The following MTRR variants were observed in gnomAD, a reference collection of about 807,000 sequenced individuals.
The protein encoded by MTRR is 5-methyltetrahydrofolate-homocysteine methyltransferase reductase, also known as methionine synthase reductase.
Under a neutral mutation model 79.2 loss-of-function variants are expected in MTRR, and 63 were observed. That is an observed-to-expected ratio of 0.80 (90% CI 0.65 to 0.98). The LOEUF is 0.98. Among genes scored for constraint, MTRR ranks in the 50% least tolerant of loss-of-function variants. The pLI, the probability that MTRR is intolerant of heterozygous loss-of-function variation, is 0.00. For missense variants in MTRR, 895 were observed against 839.6 expected, an observed-to-expected ratio of 1.07 and a Z score of -0.82; for synonymous variants, 355 against 313.3, an observed-to-expected ratio of 1.13 and a Z score of -1.41.
chr5:7,868,549 G>A (rs1747240333), upstream of MTRR, among the ~76,000 whole-genome samples: 1 of 152,194 alleles, frequency 6.6e-6, no homozygotes, highest in African/African-American at 2.4e-5. Context: ...GGTAAAGTGG[G>A]CAAAATTAGG....
intron 1 of MTRR, among the ~76,000 whole-genome samples, chr5:7,855,901 CAG>C (rs926082789): frequency 6.6e-6 from 1 of 152,054 alleles, no homozygotes; most frequent in African/African-American, 2.4e-5. Flanking sequence ...TGGAGCCCAA[CAG>C]GGGGAGAACA....
At chr5:7,860,982 G>T (rs41282639) in intron 1 of MTRR, among the ~76,000 whole-genome samples, 2 of 152,032 alleles carry the variant, frequency 1.3e-5, no homozygotes, top group African/African-American at 4.8e-5. Context: ...TCCCTCTTGG[G>T]TTCCCAAGCC....
upstream of MTRR, among the ~76,000 whole-genome samples, chr5:7,868,706 G>C (rs1172434809): frequency 6.6e-6 from 1 of 152,208 alleles, no homozygotes; most frequent in East Asian, 1.9e-4. Context: ...GCAAAACATA[G>C]ATCAATGAAG....
chr5:7,891,485 T>C lies in MTRR; in HGVS notation c.1370+71T>C, dbSNP rs1737572435. The C allele has an allele frequency of 1.3e-5, 17 of 1,269,412 alleles. No individual in the cohort carries two copies. In the South Asian group the frequency reaches 2.1e-4, roughly 15 times the overall value. 78.6% of individuals were successfully genotyped at this position (1,269,412 alleles called of 1,614,324 possible). A position where few individuals can be genotyped will look rare whatever the true frequency, so the allele number is the denominator to read the frequency against. On this transcript the variant is annotated intron_variant, in intron 10 of 14. Coordinates refer to ENST00000440940, the MANE Select transcript of MTRR (RefSeq NM_002454.3). ...TCTTAGACTCAGGCTTCCAGATCAT[T>C]AGAGTTTACTAATTTATTCAGTGAA...
At position 7,891,399 on chromosome 5, in the gene MTRR, C is replaced by A. The variant is rs1407994766; in HGVS notation, c.1355C>A (p.Pro452Gln). The change falls in exon 10 of 15, where the codon CCA becomes CAA. Residue 452 changes from proline (P) to glutamine (Q), a missense_variant. Transcript: ENST00000440940. Reference sequence around the variant, plus strand: ...CATCTTCCTAAACTTCAACCCAGACCATATTCGTGTGCAAGGTACTACTAT... The same window carrying A: ...CATCTTCCTAAACTTCAACCCAGACAATATTCGTGTGCAAGGTACTACTAT... Reference protein sequence around the residue: ...LEHLPKLQPRPYSCASSSLFH... With the variant: ...LEHLPKLQPRQYSCASSSLFH... 6.2e-7 allele frequency: 1 copy of A among 1,606,078 alleles called. No homozygotes were observed. Among genetic ancestry groups the A allele is most frequent in the South Asian group, 1.1e-5 (1 of 90,792 alleles).
At chr5:7,886,054 A>C (rs1045274159) in intron 7 of MTRR, among the ~76,000 whole-genome samples, 200 bp downstream of exon 7, 1 of 152,212 alleles carries the variant, frequency 6.6e-6, no homozygotes, top group African/African-American at 2.4e-5. Context: ...GCACTGAATA[A>C]GAAGATAATG....
chr5:7,865,994 A>C (rs750891242), upstream of MTRR: 8 of 1,608,756 alleles, frequency 5.0e-6, no homozygotes, highest in South Asian at 7.7e-5. Context: ...CTGAAACAGA[A>C]AGCATCCCAG....
At chr5:7,865,570 T>A (rs1252378529), upstream of MTRR, among the ~76,000 whole-genome samples, 1 of 152,196 alleles carries the variant, frequency 6.6e-6, no homozygotes, top group African/African-American at 2.4e-5. Context: ...CACACTTTGA[T>A]AACAAACAGC....
intron 1 of MTRR, among the ~76,000 whole-genome samples, chr5:7,852,471 C>T (rs1746105776): frequency 6.6e-6 from 1 of 152,086 alleles, no homozygotes; most frequent in Non-Finnish European, 1.5e-5. Context: ...CATCTTTTTG[C>T]TCCATGGCCA....
At chr5:7,873,291 A>G in intron 2 of MTRR, 82 bp from the exon 3 acceptor site, 3 of 1,557,178 alleles carry the variant, frequency 1.9e-6, no homozygotes, top group South Asian at 2.2e-5. Context: ...AAGACAGGAA[A>G]CTAAGCTGAT....
At chr5:7,890,907 G>T (rs1444490335) in intron 9 of MTRR, among the ~76,000 whole-genome samples, 1 of 152,044 alleles carries the variant, frequency 6.6e-6, no homozygotes, top group Non-Finnish European at 1.5e-5. Context: ...AATATTTCAA[G>T]CCTAAGCATT....
chr5:7,870,046 GAA>G, intron 1 of MTRR: 2 of 985,322 alleles, frequency 2.0e-6, no homozygotes, highest in Non-Finnish European at 2.4e-6. Flanking sequence ...GATGAGTATG[GAA>G]AAAAATCTGT....
intron 1 of MTRR, among the ~76,000 whole-genome samples, chr5:7,852,461 C>T (rs1746105448): frequency 6.6e-6 from 1 of 152,162 alleles, no homozygotes; most frequent in Non-Finnish European, 1.5e-5. Flanking sequence ...CCCACTAACA[C>T]ATCTTTTTGC....
chr5:7,865,896 A>G (rs1746911965), upstream of MTRR: 2 of 1,611,820 alleles, frequency 1.2e-6, no homozygotes, highest in Non-Finnish European at 1.7e-6. Flanking sequence ...TCATGCTTTT[A>G]CCTTATAGAA....
chr5:7,876,184 C>CG (rs1360385638), intron 4 of MTRR, among the ~76,000 whole-genome samples: 1 of 151,696 alleles, frequency 6.6e-6, no homozygotes. Flanking sequence ...CTGAACTCAC[C>CG]CTGTGCCCAC....
intron 7 of MTRR, 177 bp from the exon 8 acceptor site, chr5:7,886,438 A>T: frequency 1.7e-6 from 1 of 591,864 alleles, no homozygotes; most frequent in Non-Finnish European, 3.0e-6. Context: ...TGTAAGGTGG[A>T]GTTTTTTACT....
intron 5 of MTRR, among the ~76,000 whole-genome samples, chr5:7,881,567 A>G (rs1049346923): frequency 6.6e-6 from 1 of 152,138 alleles, no homozygotes; most frequent in African/African-American, 2.4e-5. Context: ...TGGGTAGTCA[A>G]GATTTTTAAG....
intron 2 of MTRR, 141 bp downstream of exon 2, chr5:7,871,064 G>C: frequency 1.0e-6 from 1 of 1,003,606 alleles, no homozygotes; most frequent in South Asian, 1.3e-5. Flanking sequence ...CAATGGTATA[G>C]TAAGATATCA....
intron 9 of MTRR, among the ~76,000 whole-genome samples, chr5:7,889,752 G>T (rs1737235329): frequency 1.3e-5 from 2 of 152,156 alleles, no homozygotes; most frequent in South Asian, 2.1e-4. Context: ...ATGCAGAAAT[G>T]CCCCCATCTG....
Sources: gnomAD v4.1 joint callset for allele counts (sites outside exome capture counted in the v4.1 genomes callset) on GRCh38, gnomAD v4.1.1 for gene constraint, MANE v1.5 for transcripts, NCBI Gene and HGNC (gene_info 2026-07-23, HGNC 2026-07-21) for gene names.